Variants in AGXT observed in about 807,000 individuals in gnomAD.
The protein encoded by AGXT is alanine--glyoxylate aminotransferase.
Under a neutral mutation model 46.9 loss-of-function variants are expected in AGXT, and 41 were observed. That is an observed-to-expected ratio of 0.88 (90% CI 0.68 to 1.14). The LOEUF (loss-of-function observed/expected upper bound fraction) is 1.14, where lower values mean the gene tolerates loss of function less well. Among genes scored for constraint, AGXT ranks in the 50% most tolerant of loss-of-function variants. The probability of loss-of-function intolerance (pLI) is 0.00; values close to 1 mark genes in which losing one functional copy is unlikely to be tolerated. For missense variants in AGXT, 525 were observed against 522.7 expected, an observed-to-expected ratio of 1.00 and a Z score of -0.04; for synonymous variants, 244 against 227.9, an observed-to-expected ratio of 1.07 and a Z score of -0.64.
At chr2:240,869,822 C>T (rs1387957780) in intron 2 of AGXT, among the ~76,000 whole-genome samples, 1 of 152,156 alleles carries the variant, frequency 6.6e-6, no homozygotes, top group Non-Finnish European at 1.5e-5. Flanking sequence ...AGAGTATTCG[C>T]CTCCGGAGTA....
Position 240,878,060 on chromosome 2 carries a change from C to T in AGXT, c.981C>T (p.Pro327=), listed in dbSNP as rs760409952. Residue 327 remains proline (P), a synonymous_variant, in exon 10 of 11, where the codon CCC becomes CCT. Transcript: ENST00000307503. ...RLPTVTTVAV[P]AGYDWRDIVS... Reference sequence around the variant, plus strand: ...CCACAGTCACCACTGTGGCTGTACCCGCTGGCTATGACTGGAGAGACATCG... The same window carrying T: ...CCACAGTCACCACTGTGGCTGTACCTGCTGGCTATGACTGGAGAGACATCG... 20 of 1,613,002 alleles carry T rather than the reference C, an allele frequency of 1.2e-5. No individual in the cohort carries two copies. In the Admixed American group the frequency reaches 1.3e-4, roughly 11 times the overall value.
intron 5 of AGXT, 50 bp downstream of exon 5, chr2:240,873,099 C>T (rs1002453131): frequency 3.3e-6 from 5 of 1,511,062 alleles, no homozygotes; most frequent in Non-Finnish European, 3.7e-6. Flanking sequence ...CCTTGGGGCT[C>T]CGCGTGCAGG....
In AGXT at chr2:240,869,265, G is replaced by A; in HGVS notation, c.261G>A (p.Glu87=). 1.9e-6 allele frequency: 3 copies of A among 1,613,848 alleles called. No individual in the cohort carries two copies. Among genetic ancestry groups the A allele is most frequent in the South Asian group, 2.2e-5 (2 of 91,076 alleles). ...VISGSGHCAL[E]AALVNVLEPG... Reference sequence around the variant, plus strand: ...CTGGCTCGGGACACTGTGCCCTGGAGGCCGCCCTGGTCAATGTGCTGGAGC... The same window carrying A: ...CTGGCTCGGGACACTGTGCCCTGGAAGCCGCCCTGGTCAATGTGCTGGAGC... The change falls in exon 2 of 11, where the codon GAG becomes GAA. Residue 87 remains glutamate, a synonymous_variant. Transcript: ENST00000307503.
chr2:240,871,429 C>T lies in AGXT; in HGVS notation c.504C>T (p.Gly168=), dbSNP rs1343250485. ...SSTGVLQPLD[G]FGELCHRYKC... The stretch of plus-strand genomic sequence containing the variant: ...CCGGCGTGCTGCAGCCCCTTGATGG[C>T]TTCGGGGAACTCTGCCACAGGTGAG... Residue 168 remains glycine (G), a synonymous_variant, in exon 4 of 11, where the codon GGC becomes GGT. Coordinates refer to ENST00000307503, the MANE Select transcript of AGXT (RefSeq NM_000030.3). 6.3e-7 allele frequency: 1 copy of T among 1,594,124 alleles called. No homozygotes were observed.
chr2:240,875,898 C>A (rs1457145926), intron 7 of AGXT, 37 bp from the exon 8 acceptor site: 2 of 1,609,666 alleles, frequency 1.2e-6, no homozygotes, highest in Non-Finnish European at 1.7e-6. Flanking sequence ...CCCAACCCTG[C>A]CCATGGTGCT....
chr2:240,870,081 T>G lies in AGXT; in HGVS notation c.359-563T>G, dbSNP rs79099024. Among the ~76,000 whole-genome samples the G allele has an allele frequency of 4.1e-3, 624 of 152,274 alleles. 23 individuals carry two copies. The East Asian group carries it at 0.072, about 18-fold the overall frequency. ...ATGCCTGTGGTATATGGCTTCCCTT[T>G]TCCCCATTCTGTCCCCTTGGCCGCA... On this transcript the variant is annotated intron_variant, in intron 2 of 10. Coordinates refer to ENST00000307503, the MANE Select transcript of AGXT (RefSeq NM_000030.3).
In AGXT at chr2:240,878,086, T is replaced by A. The variant is rs180177155; in HGVS notation, c.1007T>A (p.Val336Asp). 1.2e-6 allele frequency: 2 copies of A among 1,613,284 alleles called. No individual in the cohort carries two copies. Among genetic ancestry groups the A allele is most frequent in the Non-Finnish European group, 1.7e-6 (2 of 1,179,988 alleles). ...VPAGYDWRDI[V>D]SYVIDHFDIE... ...GCTGGCTATGACTGGAGAGACATCG[T>A]CAGCTACGTCATAGACCACTTCGAC... is the stretch of plus-strand genomic sequence containing the variant. The change falls in exon 10 of 11, where the codon GTC becomes GAC. Residue 336 changes from valine to aspartate, a missense_variant. Val to Asp is a radical substitution (Grantham distance 152, BLOSUM62 -3). Transcript: ENST00000307503.
At chr2:240,877,442 C>T in intron 8 of AGXT, 95 bp from the exon 9 acceptor site, 1 of 1,245,948 alleles carries the variant, frequency 8.0e-7, no homozygotes, top group Non-Finnish European at 1.1e-6. Flanking sequence ...GCACCAAGGC[C>T]TGCAGAGTCA....
In AGXT at chr2:240,869,377, C is replaced by T. The variant is rs769470834; in HGVS notation, c.358+15C>T. On this transcript the variant is annotated intron_variant, in intron 2 of 10. Transcript: ENST00000307503. ...GGAGCGCATAGGTAAGGGAGAGGCC[C>T]AGGTGGGGATGGCCCTGGATCCATC... 3.8e-6 allele frequency: 6 copies of T among 1,564,622 alleles called. No individual in the cohort carries two copies. In the African/African-American group the frequency reaches 8.1e-5, roughly 21 times the overall value.
chr2:240,869,232 G>T lies in AGXT; in HGVS notation c.228G>T (p.Leu76=). The T allele has an allele frequency of 6.2e-7, 1 of 1,606,196 alleles. No individual in the cohort carries two copies. The highest frequency in any genetic ancestry group is 8.5e-7 in the Non-Finnish European group (1 of 1,174,794). ...TCCAGACCAGGAACCCACTCACACT[G>T]GTCATCTCTGGCTCGGGACACTGTG... ...YVFQTRNPLT[L]VISGSGHCAL... is the part of the protein sequence containing the mutation. Residue 76 remains leucine, a synonymous_variant, in exon 2 of 11, where the codon CTG becomes CTT. Transcript: ENST00000307503.
At chr2:240,873,680 G>A (rs988059398) in intron 5 of AGXT, among the ~76,000 whole-genome samples, 3 of 152,098 alleles carry the variant, frequency 2.0e-5, no homozygotes, top group African/African-American at 7.2e-5. Context: ...AACTACTACT[G>A]AAAGCAGGGA....
At chr2:240,874,827 G>A (rs534272924) in intron 6 of AGXT, among the ~76,000 whole-genome samples, 27 of 152,368 alleles carry the variant, frequency 1.8e-4, no homozygotes, top group African/African-American at 6.3e-4. Flanking sequence ...CCTGTAGGAG[G>A]GGCTGGGGGA....
intron 9 of AGXT, 112 bp downstream of exon 9, chr2:240,877,744 C>G: frequency 2.4e-6 from 3 of 1,263,804 alleles, no homozygotes; most frequent in African/African-American, 1.5e-5. Flanking sequence ...GGGCGGCTGC[C>G]CGGTGGTGTG....
At position 240,871,397 on chromosome 2, in the gene AGXT, T is replaced by G. The variant is rs2058989576; in HGVS notation, c.472T>G (p.Ser158Ala). ...GCTGCTGTTCTTAACCCACGGGGAG[T>G]CGTCCACCGGCGTGCTGCAGCCCCT... Reference protein sequence around the residue: ...PVLLFLTHGESSTGVLQPLDG... With the variant: ...PVLLFLTHGEASTGVLQPLDG... Residue 158 changes from serine (S) to alanine (A), a missense_variant, in exon 4 of 11, where the codon TCG becomes GCG. Transcript: ENST00000307503. 6.2e-7 allele frequency: 1 copy of G among 1,600,348 alleles called. No homozygotes were observed. The highest frequency in any genetic ancestry group is 1.3e-5 in the African/African-American group (1 of 74,328).
rs1393095728 is a variant in AGXT at position 240,869,167 on chromosome 2, C to G, written c.166-3C>G. 6.8e-7 allele frequency: 1 copy of G among 1,466,284 alleles called. No homozygotes were observed. Among genetic ancestry groups the G allele is most frequent in the East Asian group, 2.4e-5 (1 of 41,414 alleles). The allele number at this position is 1,466,284 out of a possible 1,614,324, so 90.8% of individuals were successfully genotyped here. A position where few individuals can be genotyped will look rare whatever the true frequency, so the allele number is the denominator to read the frequency against. ...GGTCTCACCCTATACCACCCGCATG[C>G]AGATCATGGACGAGATCAAGGAAGG... On this transcript the variant is annotated splice_polypyrimidine_tract_variant and splice_region_variant and intron_variant, in intron 1 of 10. Coordinates refer to ENST00000307503, the MANE Select transcript of AGXT (RefSeq NM_000030.3).
chr2:240,875,191 G>A lies in AGXT; in HGVS notation c.763G>A (p.Asp255Asn), dbSNP rs547633289. The A allele has an allele frequency of 2.0e-5, 33 of 1,612,558 alleles. No individual in the cohort carries two copies. The African/African-American group carries it at 3.1e-4, about 15-fold the overall frequency. Residue 255 changes from aspartate (D) to asparagine (N), a missense_variant, in exon 7 of 11, where the codon GAC becomes AAC. Coordinates refer to ENST00000307503, the MANE Select transcript of AGXT (RefSeq NM_000030.3). Reference protein sequence around the residue: ...KWLANFWGCDDQPRMYHHTIP... With the variant: ...KWLANFWGCDNQPRMYHHTIP... ...GCTGGCCAACTTCTGGGGCTGTGAC[G>A]ACCAGCCCAGGATGTGAGGCCTGGC...
At chr2:240,874,125 C>CGCGGCGG in intron 6 of AGXT, 63 bp downstream of exon 6, 3 of 1,545,278 alleles carry the variant, frequency 1.9e-6, no homozygotes, top group Non-Finnish European at 2.7e-6. Context: ...TCAGGTGGCC[C>CGCGGCGG]GAGGCGGGAG....
chr2:240,870,499 C>T lies in AGXT; in HGVS notation c.359-145C>T, dbSNP rs2106428203. On this transcript the variant is annotated intron_variant, in intron 2 of 10. Coordinates refer to ENST00000307503, the MANE Select transcript of AGXT (RefSeq NM_000030.3). ...AGAGGCTCTCATTGGGCAGAGTCCA[C>T]CCTCCTCTTCAGGCAGGCAGCCAGG... is the stretch of plus-strand genomic sequence containing the variant. The T allele has an allele frequency of 4.4e-6, 4 of 905,268 alleles. 1 individual carries two copies. In the South Asian group the frequency reaches 6.3e-5, roughly 14 times the overall value. The allele number at this position is 905,268 out of a possible 1,614,324, so 56.1% of individuals were successfully genotyped here.
Position 240,869,283 on chromosome 2 carries a change from G to C in AGXT, c.279G>C (p.Val93=). 1 of 1,613,600 alleles carries C rather than the reference G, an allele frequency of 6.2e-7. No individual in the cohort carries two copies. The highest frequency in any genetic ancestry group is 1.1e-5 in the South Asian group (1 of 91,074). Residue 93 remains valine (V), a synonymous_variant, in exon 2 of 11, where the codon GTG becomes GTC. Transcript: ENST00000307503. ...CCCTGGAGGCCGCCCTGGTCAATGT[G>C]CTGGAGCCTGGGGACTCCTTCCTGG... ...HCALEAALVN[V]LEPGDSFLVG...
Sources: gnomAD v4.1 joint callset for allele counts (sites outside exome capture counted in the v4.1 genomes callset) on GRCh38, gnomAD v4.1.1 for gene constraint, MANE v1.5 for transcripts, NCBI Gene and HGNC (gene_info 2026-07-23, HGNC 2026-07-21) for gene names.